LSAMP: variants seen among roughly 807,000 people sequenced by gnomAD.
LSAMP encodes the protein limbic system-associated membrane protein.
In LSAMP, 7 loss-of-function variants were observed where a neutral mutation model predicts 38.6. The observed-to-expected ratio is 0.18, with a 90% CI of 0.10 to 0.34. The LOEUF (loss-of-function observed/expected upper bound fraction) is 0.34, where lower values mean the gene tolerates loss of function less well. Ranked by LOEUF, LSAMP falls within the 10% of genes least tolerant of loss-of-function variation. The pLI is 1.00. For missense variants in LSAMP, 313 were observed against 420.0 expected (o/e 0.75, Z 2.23); for synonymous variants, 154 against 166.8 (o/e 0.92, Z 0.59).
chr3:115,826,497 C>G (rs772160505), intron 6 of LSAMP, among the ~76,000 whole-genome samples: 1 of 152,118 alleles, frequency 6.6e-6, no homozygotes, highest in Non-Finnish European at 1.5e-5. Context: ...TCCCCAAACA[C>G]CTACCAGTTA....
chr3:115,998,516 C>T (rs1434224904), intron 3 of LSAMP, among the ~76,000 whole-genome samples: 1 of 151,978 alleles, frequency 6.6e-6, no homozygotes, highest in Non-Finnish European at 1.5e-5. Context: ...CTAGACCACA[C>T]TCAGAAAAAC....
intron 1 of LSAMP, among the ~76,000 whole-genome samples, chr3:116,143,540 C>T (rs1437038370): frequency 1.3e-5 from 2 of 151,920 alleles, no homozygotes; most frequent in Non-Finnish European, 2.9e-5. Flanking sequence ...GCTTATTTCA[C>T]ACTGTATGCT....
intron 3 of LSAMP, among the ~76,000 whole-genome samples, chr3:115,860,740 T>G (rs927280720): frequency 6.6e-6 from 1 of 152,128 alleles, no homozygotes; most frequent in Non-Finnish European, 1.5e-5. Flanking sequence ...ACAGAGACAG[T>G]GTAGAGTAGA....
At chr3:116,414,661 T>A (rs2049024979) in intron 1 of LSAMP, among the ~76,000 whole-genome samples, 1 of 152,160 alleles carries the variant, frequency 6.6e-6, no homozygotes, top group Non-Finnish European at 1.5e-5. Context: ...AAATGGAGTC[T>A]GAGAGAAATC....
At chr3:115,844,794 C>A (rs2972484) in intron 4 of LSAMP, among the ~76,000 whole-genome samples, 1 of 151,836 alleles carries the variant, frequency 6.6e-6, no homozygotes, top group African/African-American at 2.4e-5. Flanking sequence ...CTGGCCAACA[C>A]AGCAAAACCC....
At chr3:116,023,706 A>C (rs1940704469) in intron 2 of LSAMP, among the ~76,000 whole-genome samples, 1 of 152,014 alleles carries the variant, frequency 6.6e-6, no homozygotes, top group Non-Finnish European at 1.5e-5. Context: ...TTTTTTCCTA[A>C]ATTGCAAATA....
At chr3:116,438,970 TG>T (rs1268167957) in intron 1 of LSAMP, among the ~76,000 whole-genome samples, 1 of 152,216 alleles carries the variant, frequency 6.6e-6, no homozygotes, top group Admixed American at 6.5e-5. Context: ...ATTTTTTTAC[TG>T]ATATCTATTT....
At chr3:116,281,674 C>T (rs972900002) in intron 1 of LSAMP, among the ~76,000 whole-genome samples, 1 of 152,116 alleles carries the variant, frequency 6.6e-6, no homozygotes, top group African/African-American at 2.4e-5. Context: ...AATCTAAGAG[C>T]CCATCTCTTC....
rs79357500 is a variant in LSAMP at position 116,221,749 on chromosome 3, C to T, written c.156-135193G>A. On this transcript the variant is annotated intron_variant, in intron 1 of 6. Transcript: ENST00000490035. ...GTCTCACTACTTCCATCCTCACTCT[C>T]GCCCTGGAGAGATGCGAAGGAACAC... 1.9e-3 allele frequency among the ~76,000 whole-genome samples: 290 copies of T among 152,190 alleles called. 1 individual carries two copies. The highest frequency in any genetic ancestry group is 6.7e-3 in the African/African-American group (280 of 41,520).
intron 1 of LSAMP, among the ~76,000 whole-genome samples, chr3:116,428,478 A>G (rs2049234559): frequency 6.6e-6 from 1 of 152,214 alleles, no homozygotes; most frequent in Non-Finnish European, 1.5e-5. Context: ...AACTGTTTTT[A>G]AGGAAATGTC....
chr3:116,101,124 A>G (rs998103760), intron 1 of LSAMP, among the ~76,000 whole-genome samples: 1 of 152,170 alleles, frequency 6.6e-6, no homozygotes, highest in Non-Finnish European at 1.5e-5. Flanking sequence ...TAATTACTCA[A>G]TGGATGAATG....
chr3:116,358,491 C>T (rs986450061), intron 1 of LSAMP, among the ~76,000 whole-genome samples: 2 of 152,036 alleles, frequency 1.3e-5, no homozygotes, highest in African/African-American at 4.8e-5. Flanking sequence ...GACCTAGAAG[C>T]ATAAACCCCT....
chr3:116,113,207 T>A (rs1168672224), intron 1 of LSAMP, among the ~76,000 whole-genome samples: 1 of 151,530 alleles, frequency 6.6e-6, no homozygotes, highest in African/African-American at 2.4e-5. Flanking sequence ...CTAATAGACA[T>A]TCAGAATTTT....
chr3:116,392,216 G>A (rs554336577), intron 1 of LSAMP, among the ~76,000 whole-genome samples: 1 of 152,162 alleles, frequency 6.6e-6, no homozygotes, highest in Non-Finnish European at 1.5e-5. Context: ...TTGAGTTGGT[G>A]GAGTGGGAAC....
At chr3:115,838,305 A>T (rs1372748322) in intron 6 of LSAMP, 1 of 152,242 alleles carries the variant, frequency 6.6e-6, no homozygotes, top group East Asian at 1.9e-4. Flanking sequence ...CATGTCCGTT[A>T]TTTTAAATCT....
At chr3:116,331,465 G>A (rs932094478) in intron 1 of LSAMP, among the ~76,000 whole-genome samples, 1 of 152,084 alleles carries the variant, frequency 6.6e-6, no homozygotes, top group Non-Finnish European at 1.5e-5. Flanking sequence ...ATCAAACTTA[G>A]GAAAGACAAA....
intron 3 of LSAMP, among the ~76,000 whole-genome samples, chr3:115,966,204 C>A (rs1938809006): frequency 6.6e-6 from 1 of 152,154 alleles, no homozygotes; most frequent in Admixed American, 6.5e-5. Context: ...GATACACTGG[C>A]TGGAGTTCCA....
At chr3:116,342,851 C>G (rs1405795096) in intron 1 of LSAMP, among the ~76,000 whole-genome samples, 1 of 152,126 alleles carries the variant, frequency 6.6e-6, no homozygotes, top group East Asian at 1.9e-4. Context: ...AACTTAGCTT[C>G]TTTTCAGCTC....
intron 1 of LSAMP, among the ~76,000 whole-genome samples, chr3:116,441,860 G>A (rs967283665): frequency 6.6e-6 from 1 of 152,186 alleles, no homozygotes; most frequent in Non-Finnish European, 1.5e-5. Context: ...TGCTGCTGCT[G>A]CCGCCACTAC....
Sources: allele counts gnomAD v4.1 joint callset (sites outside exome capture counted in the v4.1 genomes callset), GRCh38; gene constraint gnomAD v4.1.1; transcripts MANE v1.5; gene names NCBI Gene and HGNC (gene_info 2026-07-23, HGNC 2026-07-21).